The following RAB38 variants were observed in gnomAD, a reference collection of about 807,000 sequenced individuals.
RAB38 encodes the protein RAB38, member RAS oncogene family.
Under a neutral mutation model 18.4 loss-of-function variants are expected in RAB38, and 15 were observed. That is an observed-to-expected ratio of 0.82 (90% confidence interval 0.55 to 1.26). The LOEUF (loss-of-function observed/expected upper bound fraction) is 1.26, where lower values mean the gene tolerates loss of function less well. Ranked by LOEUF, RAB38 falls within the 50% of genes most tolerant of loss-of-function variation. The pLI is 0.00. For synonymous variants in RAB38, 101 were observed against 104.4 expected (o/e 0.97, Z 0.20); for missense variants, 294 against 267.4 (o/e 1.10, Z -0.69).
chr11:87,808,070 C>A, the RAB38 span, among the ~76,000 whole-genome samples: 1 of 152,064 alleles, frequency 6.6e-6, no homozygotes, highest in Non-Finnish European at 1.5e-5. Context: ...CATGGACAAA[C>A]CTTAATTTGG....
intron 2 of RAB38, among the ~76,000 whole-genome samples, chr11:88,141,844 A>G (rs913941200): frequency 2.6e-5 from 4 of 152,080 alleles, no homozygotes; most frequent in Non-Finnish European, 5.9e-5. Flanking sequence ...TGGAAATTCT[A>G]CAGATTTTAC....
chr11:88,142,481 C>T (rs1942928066), intron 2 of RAB38, among the ~76,000 whole-genome samples: 1 of 152,120 alleles, frequency 6.6e-6, no homozygotes, highest in Non-Finnish European at 1.5e-5. Context: ...TACAGCCAGC[C>T]CATGGTGTCA....
chr11:88,050,961 G>T, the RAB38 span, among the ~76,000 whole-genome samples: 1 of 152,174 alleles, frequency 6.6e-6, no homozygotes, highest in African/African-American at 2.4e-5. Flanking sequence ...ATACAGCAAA[G>T]GAGGGCTGGA....
the RAB38 span, among the ~76,000 whole-genome samples, chr11:88,010,208 T>G: frequency 6.6e-6 from 1 of 152,314 alleles, no homozygotes; most frequent in Admixed American, 6.5e-5. Context: ...CACACTTGAC[T>G]TATGCTGTAT....
chr11:88,052,544 T>C, the RAB38 span, among the ~76,000 whole-genome samples: 2 of 152,148 alleles, frequency 1.3e-5, no homozygotes, highest in African/African-American at 4.8e-5. Flanking sequence ...GTCTTGTTCA[T>C]ATGCTTCCTT....
intron 2 of RAB38, among the ~76,000 whole-genome samples, chr11:88,118,072 T>C (rs548749189): frequency 1.3e-5 from 2 of 152,058 alleles, no homozygotes; most frequent in Non-Finnish European, 2.9e-5. Context: ...ATTTACCACA[T>C]GTTTACTACA....
chr11:88,034,309 T>C, the RAB38 span, among the ~76,000 whole-genome samples: 1 of 152,262 alleles, frequency 6.6e-6, no homozygotes, highest in African/African-American at 2.4e-5. Flanking sequence ...GTAAGTGTTA[T>C]GAATATTTAT....
the RAB38 span, among the ~76,000 whole-genome samples, chr11:87,874,524 A>G: frequency 6.6e-6 from 1 of 151,476 alleles, no homozygotes; most frequent in African/African-American, 2.4e-5. Flanking sequence ...GGGGAGGGAT[A>G]GCATTAGGAG....
chr11:87,971,027 G>T, the RAB38 span, among the ~76,000 whole-genome samples: 1 of 152,024 alleles, frequency 6.6e-6, no homozygotes, highest in Non-Finnish European at 1.5e-5. Flanking sequence ...TCTTAGATGG[G>T]TACTAAAAAG....
In RAB38 at chr11:88,125,880, A is replaced by G. The variant is rs532851801; in HGVS notation, c.484-11740T>C. ...CATTTAAGTCTTTAATCCATCTTGA[A>G]TTAATTTTTGTATAAGGTGTAAGGA... On this transcript the variant is annotated intron_variant, in intron 2 of 2. Transcript: ENST00000243662. 4.8e-4 allele frequency among the ~76,000 whole-genome samples: 73 copies of G among 152,308 alleles called. 1 individual carries two copies. Among genetic ancestry groups the G allele is most frequent in the African/African-American group, 1.8e-3 (73 of 41,564 alleles).
intron 1 of RAB38, among the ~76,000 whole-genome samples, chr11:88,159,079 T>C (rs1360080066): frequency 1.3e-5 from 2 of 151,900 alleles, no homozygotes; most frequent in African/African-American, 4.8e-5. Context: ...AACTGATAAA[T>C]GACTTCAGTA....
chr11:87,965,040 G>A, the RAB38 span, among the ~76,000 whole-genome samples: 1 of 152,082 alleles, frequency 6.6e-6, no homozygotes, highest in Admixed American at 6.6e-5. Flanking sequence ...TGTTATATGG[G>A]ATTGTTTTGT....
At chr11:88,105,787 C>T in the RAB38 span, among the ~76,000 whole-genome samples, 2 of 152,056 alleles carry the variant, frequency 1.3e-5, no homozygotes, top group Non-Finnish European at 2.9e-5. Context: ...TCTGATTAGC[C>T]CATTGTGGCC....
At chr11:88,025,043 A>T in the RAB38 span, among the ~76,000 whole-genome samples, 1 of 152,150 alleles carries the variant, frequency 6.6e-6, no homozygotes, top group Non-Finnish European at 1.5e-5. Flanking sequence ...AACACAAAGT[A>T]TAAATGCTTC....
the RAB38 span, among the ~76,000 whole-genome samples, chr11:88,077,033 A>AAAAGAAAAGC: frequency 4.6e-5 from 5 of 109,380 alleles, no homozygotes; most frequent in Admixed American, 1.8e-4. Context: ...GAAAAGAAAG[A>AAAAGAAAAGC]AAGCAAGCAA....
the RAB38 span, among the ~76,000 whole-genome samples, chr11:87,926,512 T>TTTTTG: frequency 1.3e-5 from 2 of 150,864 alleles, no homozygotes; most frequent in Admixed American, 6.6e-5. Flanking sequence ...ATGGTGGTTT[T>TTTTTG]TTTGTTTGTT....
chr11:88,029,571 T>G, the RAB38 span, among the ~76,000 whole-genome samples: 3,247 of 151,314 alleles, frequency 0.021, 102 homozygotes, highest in African/African-American at 0.073. Context: ...AAAGGCAGGG[T>G]TTGCAGTCCT....
At chr11:88,045,779 C>T in the RAB38 span, among the ~76,000 whole-genome samples, 14 of 152,314 alleles carry the variant, frequency 9.2e-5, no homozygotes, top group African/African-American at 3.4e-4. Flanking sequence ...ACCCACTCCA[C>T]ATTACCTTCT....
the RAB38 span, among the ~76,000 whole-genome samples, chr11:87,911,023 T>C: frequency 6.6e-6 from 1 of 152,078 alleles, no homozygotes; most frequent in Non-Finnish European, 1.5e-5. Flanking sequence ...TCAGTATTGT[T>C]GAAAAGACTA....
Sources: allele counts gnomAD v4.1 joint callset (sites outside exome capture counted in the v4.1 genomes callset), GRCh38; gene constraint gnomAD v4.1.1; transcripts MANE v1.5; gene names NCBI Gene and HGNC (gene_info 2026-07-23, HGNC 2026-07-21).